The following WSCD2 variants were observed in gnomAD, a reference collection of about 807,000 sequenced individuals.
WSCD2 encodes WSC domain sialate O sulfotransferase 2.
In WSCD2, 28 loss-of-function variants were observed where a neutral mutation model predicts 55.7. The observed-to-expected ratio is 0.50, with a 90% CI of 0.37 to 0.69. The LOEUF (loss-of-function observed/expected upper bound fraction) is 0.69, where lower values mean the gene tolerates loss of function less well. WSCD2 is among the 30% of genes least tolerant of loss of function. The pLI, the probability that WSCD2 is intolerant of heterozygous loss-of-function variation, is 0.00. For missense variants in WSCD2, 616 were observed against 762.1 expected (o/e 0.81, Z 2.26); for synonymous variants, 301 against 301.9 (o/e 1.00, Z 0.03).
rs117369515 is a variant in WSCD2 at position 108,246,190 on chromosome 12, C to T, written c.1346-1801C>T. ...TCACCTCTCTGAGCCTCAGTTTCCTCCCTGGTGAGGAGCAGACAGTAGTCC... is the reference window on the plus strand; with the variant it reads ...TCACCTCTCTGAGCCTCAGTTTCCTTCCTGGTGAGGAGCAGACAGTAGTCC... On this transcript the variant is annotated intron_variant, in intron 8 of 8. Coordinates refer to ENST00000547525, the MANE Select transcript of WSCD2 (RefSeq NM_014653.4). Among the ~76,000 whole-genome samples the T allele has an allele frequency of 3.3e-3, 496 of 152,320 alleles. 1 individual carries two copies. The highest frequency in any genetic ancestry group is 5.4e-3 in the Non-Finnish European group (367 of 68,022).
At chr12:108,140,434 A>T (rs1876674259) in intron 1 of WSCD2, among the ~76,000 whole-genome samples, 2 of 152,180 alleles carry the variant, frequency 1.3e-5, no homozygotes, top group Non-Finnish European at 2.9e-5. Context: ...GTGAAGAGGC[A>T]TGGGGATTCT....
intron 1 of WSCD2, among the ~76,000 whole-genome samples, chr12:108,131,072 T>C (rs117929870): frequency 0.015 from 2,350 of 152,112 alleles, 21 homozygotes; most frequent in Non-Finnish European, 0.024. Context: ...TCTTGGGGTG[T>C]GAGGTGGGAT....
intron 4 of WSCD2, among the ~76,000 whole-genome samples, chr12:108,216,339 A>G (rs1171985187): frequency 2.0e-5 from 3 of 152,228 alleles, no homozygotes; most frequent in African/African-American, 7.2e-5. Context: ...AGCACTAATG[A>G]CATAGAGTAA....
At chr12:108,193,907 ACT>A (rs1241077044) in intron 1 of WSCD2, among the ~76,000 whole-genome samples, 1 of 152,170 alleles carries the variant, frequency 6.6e-6, no homozygotes, top group African/African-American at 2.4e-5. Flanking sequence ...GGGATGGCAG[ACT>A]CTACCTTAAA....
intron 1 of WSCD2, among the ~76,000 whole-genome samples, chr12:108,136,787 C>A (rs1048232646): frequency 6.6e-6 from 1 of 151,692 alleles, no homozygotes; most frequent in Admixed American, 6.6e-5. Flanking sequence ...GGGTGATGCA[C>A]GGTTTCAGGA....
chr12:108,165,742 ATT>A (rs1184914397), intron 1 of WSCD2, among the ~76,000 whole-genome samples: 1 of 152,134 alleles, frequency 6.6e-6, no homozygotes, highest in African/African-American at 2.4e-5. Flanking sequence ...CTTGGAATTG[ATT>A]TACTTTTTTA....
At chr12:108,182,643 G>T (rs1246045389) in intron 1 of WSCD2, among the ~76,000 whole-genome samples, 1 of 152,176 alleles carries the variant, frequency 6.6e-6, no homozygotes, top group Non-Finnish European at 1.5e-5. Flanking sequence ...AAAAGGAGCA[G>T]GTAGAGGAGT....
At chr12:108,131,133 G>A (rs11615612) in intron 1 of WSCD2, among the ~76,000 whole-genome samples, 33,081 of 152,066 alleles carry the variant, frequency 0.22, 3,742 homozygotes, top group African/African-American at 0.25. Flanking sequence ...CAAAACCCAA[G>A]AATTCCTCCA....
intron 4 of WSCD2, among the ~76,000 whole-genome samples, chr12:108,211,630 C>CATATATATATATATATATATACATAT (rs1229623851): frequency 9.3e-4 from 129 of 138,520 alleles, no homozygotes; most frequent in African/African-American, 3.3e-3. Flanking sequence ...TTTCAAATCC[C>CATATATATATATATATATATACATAT]ATATATATAT....
At chr12:108,131,677 G>T (rs1283746119) in intron 1 of WSCD2, 1 of 152,286 alleles carries the variant, frequency 6.6e-6, no homozygotes. Context: ...CAAGCACCAG[G>T]TGATCCTTGA....
At chr12:108,162,212 G>A (rs1027003580) in intron 1 of WSCD2, among the ~76,000 whole-genome samples, 9 of 152,198 alleles carry the variant, frequency 5.9e-5, no homozygotes, top group African/African-American at 1.9e-4. Flanking sequence ...TGAAGACAAC[G>A]TTGGCCACGT....
At chr12:108,240,220 T>A in intron 7 of WSCD2, 124 bp from the exon 8 acceptor site, 1 of 1,246,644 alleles carries the variant, frequency 8.0e-7, no homozygotes. Flanking sequence ...AGGTGCTCAA[T>A]AAATACGCGA....
chr12:108,141,873 C>T (rs969565621), intron 1 of WSCD2, among the ~76,000 whole-genome samples: 6 of 152,026 alleles, frequency 3.9e-5, no homozygotes, highest in Non-Finnish European at 7.4e-5. Context: ...TCCATTAAAC[C>T]CTGGCCAGAG....
chr12:108,238,010 T>C (rs1889404658), intron 7 of WSCD2, among the ~76,000 whole-genome samples: 2 of 152,226 alleles, frequency 1.3e-5, no homozygotes, highest in Admixed American at 6.5e-5. Context: ...GCTGTGCTTA[T>C]AGTGAAATAG....
chr12:108,240,788 C>G (rs750522976), intron 8 of WSCD2, among the ~76,000 whole-genome samples: 1 of 152,206 alleles, frequency 6.6e-6, no homozygotes, highest in Non-Finnish European at 1.5e-5. Flanking sequence ...CTGCATCGCA[C>G]AGGGGATTAA....
chr12:108,196,310 G>T, intron 2 of WSCD2, 96 bp downstream of exon 2: 1 of 1,437,168 alleles, frequency 7.0e-7, no homozygotes, highest in Non-Finnish European at 9.2e-7. Flanking sequence ...TGTTTAATAG[G>T]AACCAGCTGT....
Position 108,135,138 on chromosome 12 carries a change from G to A in WSCD2, c.-552+5212G>A, listed in dbSNP as rs552395387. On this transcript the variant is annotated intron_variant, in intron 1 of 8. Coordinates refer to ENST00000547525, the MANE Select transcript of WSCD2 (RefSeq NM_014653.4). ...CAGCCATCCATCCTTCCATCCGTCC[G>A]TCCATCCGTCCATCCATCCATCCAT... 1.3e-4 allele frequency among the ~76,000 whole-genome samples: 20 copies of A among 151,936 alleles called. 1 individual carries two copies. In the South Asian group the frequency reaches 2.3e-3, roughly 17 times the overall value.
chr12:108,188,259 T>G (rs545262660), intron 1 of WSCD2, among the ~76,000 whole-genome samples: 1 of 151,538 alleles, frequency 6.6e-6, no homozygotes, highest in Non-Finnish European at 1.5e-5. Context: ...TTTCTGGAGG[T>G]GGGGTGAGCA....
chr12:108,241,753 A>G (rs1055204700), intron 8 of WSCD2, among the ~76,000 whole-genome samples: 3 of 152,226 alleles, frequency 2.0e-5, no homozygotes, highest in African/African-American at 7.2e-5. Flanking sequence ...GACTAAAGGA[A>G]ACTTCCAGAA....
Sources: allele counts gnomAD v4.1 joint callset (sites outside exome capture counted in the v4.1 genomes callset), GRCh38; gene constraint gnomAD v4.1.1; transcripts MANE v1.5; gene names NCBI Gene and HGNC (gene_info 2026-07-23, HGNC 2026-07-21).